The following HTR7 variants were observed in gnomAD, a reference collection of about 807,000 sequenced individuals.
HTR7 encodes the protein 5-hydroxytryptamine receptor 7.
A neutral mutation model predicts 34.0 loss-of-function variants in HTR7; 16 were observed. The ratio of observed to expected loss-of-function variants is 0.47; its 90% CI spans 0.32 to 0.71. The LOEUF (loss-of-function observed/expected upper bound fraction) is 0.71, where lower values mean the gene tolerates loss of function less well. Ranked by LOEUF, HTR7 falls within the 30% of genes least tolerant of loss-of-function variation. The pLI is 0.04. For missense variants in HTR7, 504 were observed against 625.5 expected, an observed-to-expected ratio of 0.81 and a Z score of 2.07; for synonymous variants, 265 against 260.2, an observed-to-expected ratio of 1.02 and a Z score of -0.18.
chr10:90,839,865 C>T (rs907389190), intron 1 of HTR7, among the ~76,000 whole-genome samples: 1 of 152,042 alleles, frequency 6.6e-6, no homozygotes, highest in Non-Finnish European at 1.5e-5. Flanking sequence ...AAGAAAGGTC[C>T]TATCACACAG....
At position 90,746,611 on chromosome 10, in the gene HTR7, C is replaced by T. The variant is rs551788847; in HGVS notation, c.1295+2228G>A. On this transcript the variant is annotated intron_variant, in intron 2 of 3. Coordinates refer to ENST00000336152, the MANE Select transcript of HTR7 (RefSeq NM_019859.4). ...GCTGCAGCCAGGCAAAATAACCTAG[C>T]TATTTGTTCTAGGAAATAGTCACTT... Among the ~76,000 whole-genome samples the T allele has an allele frequency of 5.3e-5, 8 of 152,334 alleles. No homozygotes were observed. The East Asian group carries it at 1.3e-3, about 26-fold the overall frequency.
intron 1 of HTR7, among the ~76,000 whole-genome samples, chr10:90,787,565 G>A (rs1368153424): frequency 6.6e-6 from 1 of 152,092 alleles, no homozygotes; most frequent in Non-Finnish European, 1.5e-5. Flanking sequence ...TGGTAGCTGT[G>A]GGTGGGGATT....
At chr10:90,766,350 T>C (rs1442454604) in intron 1 of HTR7, among the ~76,000 whole-genome samples, 2 of 152,236 alleles carry the variant, frequency 1.3e-5, no homozygotes, top group East Asian at 3.8e-4. Context: ...TACTCTCTTT[T>C]GGTACTACTT....
At chr10:90,828,945 G>GA (rs1443103348) in intron 1 of HTR7, among the ~76,000 whole-genome samples, 12 of 149,530 alleles carry the variant, frequency 8.0e-5, no homozygotes, top group African/African-American at 2.5e-4. Flanking sequence ...AAGAAAGAAA[G>GA]AAAAAAAAAG....
chr10:90,773,214 G>T (rs993211210), intron 1 of HTR7, among the ~76,000 whole-genome samples: 2 of 152,190 alleles, frequency 1.3e-5, no homozygotes, highest in Non-Finnish European at 2.9e-5. Context: ...GCAGCTGCTT[G>T]AAGCAACCAG....
At chr10:90,813,898 C>T (rs1476197374) in intron 1 of HTR7, among the ~76,000 whole-genome samples, 1 of 152,188 alleles carries the variant, frequency 6.6e-6, no homozygotes, top group Non-Finnish European at 1.5e-5. Context: ...CCTGGTCCAA[C>T]CAATCTATGG....
At chr10:90,764,733 CCTGT>C (rs1844994573) in intron 1 of HTR7, among the ~76,000 whole-genome samples, 1 of 152,018 alleles carries the variant, frequency 6.6e-6, no homozygotes, top group Non-Finnish European at 1.5e-5. Flanking sequence ...AGTGGACAAC[CCTGT>C]CTTATTCCCA....
chr10:90,756,374 G>T lies in HTR7; in HGVS notation c.540-6780C>A, dbSNP rs1564671053. Among the ~76,000 whole-genome samples, 6 of 152,252 alleles carry T rather than the reference G, an allele frequency of 3.9e-5. No homozygotes were observed. In the South Asian group the frequency reaches 1.2e-3, roughly 32 times the overall value. ...AATCAGGTTTTTTTAAATACTAAAA[G>T]TAAATTTTTAACAATACACTGAACT... On this transcript the variant is annotated intron_variant, in intron 1 of 3. Coordinates refer to ENST00000336152, the MANE Select transcript of HTR7 (RefSeq NM_019859.4).
chr10:90,795,942 A>G (rs1037908602), intron 1 of HTR7, among the ~76,000 whole-genome samples: 2 of 152,218 alleles, frequency 1.3e-5, no homozygotes, highest in Non-Finnish European at 2.9e-5. Context: ...CGTCTGGGTT[A>G]TCATAAGGAG....
chr10:90,820,982 G>A (rs1009959368), intron 1 of HTR7, among the ~76,000 whole-genome samples: 2 of 152,108 alleles, frequency 1.3e-5, no homozygotes, highest in Admixed American at 6.6e-5. Context: ...GGCTCATGTG[G>A]AATAAAATTA....
chr10:90,845,504 A>G (rs35792532), intron 1 of HTR7, among the ~76,000 whole-genome samples: 4,279 of 152,240 alleles, frequency 0.028, 207 homozygotes, highest in African/African-American at 0.097. Flanking sequence ...TGTCTTGTTC[A>G]TCTTTGACCA....
intron 1 of HTR7, among the ~76,000 whole-genome samples, chr10:90,772,632 C>G (rs180784403): frequency 8.3e-4 from 127 of 152,248 alleles, no homozygotes; most frequent in Non-Finnish European, 1.6e-3. Flanking sequence ...GTGAGGGCGT[C>G]ATATTATTTT....
At chr10:90,759,156 C>T (rs1844889986) in intron 1 of HTR7, among the ~76,000 whole-genome samples, 1 of 145,872 alleles carries the variant, frequency 6.9e-6, no homozygotes, top group Non-Finnish European at 1.5e-5. Flanking sequence ...CATTGCACTC[C>T]AGCCTGGGCA....
intron 1 of HTR7, among the ~76,000 whole-genome samples, chr10:90,856,850 G>A (rs1476115749): frequency 6.6e-6 from 1 of 152,178 alleles, no homozygotes; most frequent in African/African-American, 2.4e-5. Flanking sequence ...CAAGGGACCC[G>A]CTGGTGGAAA....
At chr10:90,782,425 T>C (rs997957706) in intron 1 of HTR7, among the ~76,000 whole-genome samples, 4 of 152,194 alleles carry the variant, frequency 2.6e-5, no homozygotes. Context: ...TGATACATAG[T>C]ATGCCCCTAA....
chr10:90,851,175 G>A (rs992253029), intron 1 of HTR7, among the ~76,000 whole-genome samples: 14 of 152,168 alleles, frequency 9.2e-5, no homozygotes, highest in Admixed American at 7.9e-4. Context: ...ACCTTCCATG[G>A]AGTGATAATA....
At chr10:90,823,518 A>G (rs983370411) in intron 1 of HTR7, among the ~76,000 whole-genome samples, 5 of 152,214 alleles carry the variant, frequency 3.3e-5, no homozygotes, top group African/African-American at 1.2e-4. Flanking sequence ...TTACAGGCTC[A>G]TAGTGGAAGG....
At chr10:90,746,519 A>G (rs1844638487) in intron 2 of HTR7, among the ~76,000 whole-genome samples, 4 of 152,144 alleles carry the variant, frequency 2.6e-5, no homozygotes, top group Admixed American at 2.6e-4. Flanking sequence ...CTATTGCCAG[A>G]GAGACCTTCC....
At chr10:90,818,314 T>C (rs1008836081) in intron 1 of HTR7, among the ~76,000 whole-genome samples, 1 of 152,154 alleles carries the variant, frequency 6.6e-6, no homozygotes, top group African/African-American at 2.4e-5. Flanking sequence ...TTCCAGCACT[T>C]TGGGATGCTG....
Sources: allele counts gnomAD v4.1 joint callset (sites outside exome capture counted in the v4.1 genomes callset), GRCh38; gene constraint gnomAD v4.1.1; transcripts MANE v1.5; gene names NCBI Gene and HGNC (gene_info 2026-07-23, HGNC 2026-07-21).